The following TTF2 variants were observed in gnomAD, a reference collection of about 807,000 sequenced individuals.
TTF2 encodes transcription termination factor 2.
In TTF2, 108 loss-of-function variants were observed where a neutral mutation model predicts 142.4. The observed-to-expected ratio is 0.76, with a 90% CI of 0.65 to 0.89. The LOEUF (loss-of-function observed/expected upper bound fraction) is 0.89, where lower values mean the gene tolerates loss of function less well. TTF2 is among the 40% of genes least tolerant of loss of function. The probability of loss-of-function intolerance (pLI) is 0.00; values close to 1 mark genes in which losing one functional copy is unlikely to be tolerated. For synonymous variants in TTF2, 483 were observed against 506.2 expected, an observed-to-expected ratio of 0.95 and a Z score of 0.61; for missense variants, 1,327 against 1,379.8, an observed-to-expected ratio of 0.96 and a Z score of 0.61.
rs1226643810 is a variant in TTF2 at position 117,092,384 on chromosome 1, T to C, written c.2806-347T>C. Among the ~76,000 whole-genome samples the C allele has an allele frequency of 6.6e-6, 1 of 152,182 alleles. No homozygotes were observed. The highest frequency in any genetic ancestry group is 1.5e-5 in the Non-Finnish European group (1 of 68,042). On this transcript the variant is annotated intron_variant, in intron 17 of 22. Transcript: ENST00000369466. The surrounding 1 kb of genome is among the most constrained non-coding windows in gnomAD (Gnocchi z 4.4). ...TACAGACTGAAAAGTTGCCCCTACC[T>C]TGGATAGAGGCACATCCAAAATTAA...
At position 117,092,640 on chromosome 1, in the gene TTF2, G is replaced by C; in HGVS notation, c.2806-91G>C. 1 of 1,423,128 alleles carries C rather than the reference G, an allele frequency of 7.0e-7. No individual in the cohort carries two copies. Among genetic ancestry groups the C allele is most frequent in the East Asian group, 2.3e-5 (1 of 43,210 alleles). The allele number at this position is 1,423,128 out of a possible 1,614,324, so 88.2% of individuals were successfully genotyped here. On this transcript the variant is annotated intron_variant, in intron 17 of 22. Transcript: ENST00000369466. This position sits in a 1 kb window ranked among gnomAD's most constrained non-coding sequence, Gnocchi z 4.4. Reference sequence around the variant, plus strand: ...GACAAATTACAAGATATTTTGCTCTGTGAAGTGGTAAACAATCAAAACATC... The same window carrying C: ...GACAAATTACAAGATATTTTGCTCTCTGAAGTGGTAAACAATCAAAACATC...
In TTF2 at chr1:117,079,500, TG is replaced by T. The variant is rs1248755726; in HGVS notation, c.1702-67del. 6.9e-7 allele frequency: 1 copy of T among 1,455,258 alleles called. No individual in the cohort carries two copies. Among genetic ancestry groups the T allele is most frequent in the Non-Finnish European group, 9.6e-7 (1 of 1,036,838 alleles). 90.1% of individuals were successfully genotyped at this position (1,455,258 alleles called of 1,614,324 possible). A position where few individuals can be genotyped will look rare whatever the true frequency, so the allele number is the denominator to read the frequency against. On this transcript the variant is annotated intron_variant, in intron 8 of 22. Transcript: ENST00000369466. The surrounding 1 kb of genome is among the most constrained non-coding windows in gnomAD (Gnocchi z 4.2). ...AGAAAATAGGAGAGTGTAGAGTTCGTGTAGCCAGGCTCGGCATAGCCTCTCA... is the reference window on the plus strand; with the variant it reads ...AGAAAATAGGAGAGTGTAGAGTTCGTTAGCCAGGCTCGGCATAGCCTCTCA...
rs1328414943 is a variant in TTF2, at chr1:117,076,157, A to G, written c.1276-23A>G. 2 of 1,601,780 alleles carry G rather than the reference A, an allele frequency of 1.2e-6. No individual in the cohort carries two copies. Among genetic ancestry groups the G allele is most frequent in the Non-Finnish European group, 1.7e-6 (2 of 1,169,480 alleles). ...TCTAACAGTGTGAGAGGAGAGATCC[A>G]TTTGATGGAATCTGTTTTTCAGAGC... is the stretch of plus-strand genomic sequence containing the variant. On this transcript the variant is annotated intron_variant, in intron 5 of 22. Coordinates refer to ENST00000369466, the MANE Select transcript of TTF2 (RefSeq NM_003594.4). The surrounding 1 kb of genome is among the most constrained non-coding windows in gnomAD (Gnocchi z 4.6).
rs1032318253 is a variant in TTF2 at position 117,101,592 on chromosome 1, T to C, written c.*68T>C. 25 of 1,439,992 alleles carry C rather than the reference T, an allele frequency of 1.7e-5. No individual in the cohort carries two copies. Among genetic ancestry groups the C allele is most frequent in the Non-Finnish European group, 2.2e-5 (24 of 1,091,234 alleles). The allele number at this position is 1,439,992 out of a possible 1,614,324, so 89.2% of individuals were successfully genotyped here. A position where few individuals can be genotyped will look rare whatever the true frequency, so the allele number is the denominator to read the frequency against. On this transcript the variant is annotated 3_prime_UTR_variant, in exon 23 of 23. Transcript: ENST00000369466. This position sits in a 1 kb window ranked among gnomAD's most constrained non-coding sequence, Gnocchi z 5.9. ...GTATTAGGATCTGGGAATAACAACC[T>C]AACCATGAGCCTTGAACTCTGTTCT...
At position 117,075,285 on chromosome 1, in the gene TTF2, C is replaced by T; in HGVS notation, c.701C>T (p.Ala234Val). Reference sequence around the variant, plus strand: ...GGTAATGAGCTTACAAGACCATCTGCATCTTCTCAGGAGAAATCAAGTGGT... The same window carrying T: ...GGTAATGAGCTTACAAGACCATCTGTATCTTCTCAGGAGAAATCAAGTGGT... ...CQGNELTRPS[A>V]SSQEKSSGKS... is the part of the protein sequence containing the mutation. The change falls in exon 5 of 23, where the codon GCA (alanine) becomes GTA (valine). Residue 234 changes from alanine (A) to valine (V), a missense_variant. By Grantham distance (64) the Ala-to-Val change is moderately conservative. Coordinates refer to ENST00000369466, the MANE Select transcript of TTF2 (RefSeq NM_003594.4). This position sits in a 1 kb window ranked among gnomAD's most constrained non-coding sequence, Gnocchi z 4.5. 6.2e-7 allele frequency: 1 copy of T among 1,614,222 alleles called. No homozygotes were observed. The highest frequency in any genetic ancestry group is 8.5e-7 in the Non-Finnish European group (1 of 1,180,046).
chr1:117,091,763 G>A (rs1005873527), intron 16 of TTF2, 54 bp from the exon 17 acceptor site: 48 of 1,578,360 alleles, frequency 3.0e-5, no homozygotes, highest in Non-Finnish European at 3.8e-5. Context: ...GGCTCTCTCC[G>A]TATTTCTCTT....
In TTF2 at chr1:117,076,271, G is replaced by C; in HGVS notation, c.1367G>C (p.Gly456Ala). The C allele has an allele frequency of 6.2e-7, 1 of 1,613,916 alleles. No homozygotes were observed. Among genetic ancestry groups the C allele is most frequent in the South Asian group, 1.1e-5 (1 of 91,058 alleles). Residue 456 changes from glycine to alanine, a missense_variant, in exon 6 of 23, where the codon GGT (glycine) becomes GCT (alanine). By Grantham distance (60) the Gly-to-Ala change is moderately conservative. Coordinates refer to ENST00000369466, the MANE Select transcript of TTF2 (RefSeq NM_003594.4). The surrounding 1 kb of genome is among the most constrained non-coding windows in gnomAD (Gnocchi z 4.6). ...QIQELEEVLS[G>A]LTLSPEQGTN... ...CAGGAGCTGGAGGAAGTACTCAGTG[G>C]TCTTACCCTTTCCCCAGAGCAAGGT...
In TTF2 at chr1:117,087,056, T is replaced by C. The variant is rs1648080232; in HGVS notation, c.2160+534T>C. 6.6e-6 allele frequency among the ~76,000 whole-genome samples: 1 copy of C among 152,204 alleles called. No individual in the cohort carries two copies. Among genetic ancestry groups the C allele is most frequent in the African/African-American group, 2.4e-5 (1 of 41,440 alleles). ...AGCCTCAGTTATGTGATGTAGAGGC[T>C]TTATCATGTAATTATACTCTGAAAA... On this transcript the variant is annotated intron_variant, in intron 12 of 22. Transcript: ENST00000369466. This position sits in a 1 kb window ranked among gnomAD's most constrained non-coding sequence, Gnocchi z 4.8.
Position 117,080,321 on chromosome 1 carries a change from T to G in TTF2, c.1783+672T>G, listed in dbSNP as rs1377912500. Among the ~76,000 whole-genome samples, 1 of 152,104 alleles carries G rather than the reference T, an allele frequency of 6.6e-6. No individual in the cohort carries two copies. Among genetic ancestry groups the G allele is most frequent in the Non-Finnish European group, 1.5e-5 (1 of 67,998 alleles). ...GCCACTACACCTGGCCTAAAAGTAGTCTATAAAAAGCATCACAGCTACTTT... is the reference window on the plus strand; with the variant it reads ...GCCACTACACCTGGCCTAAAAGTAGGCTATAAAAAGCATCACAGCTACTTT... On this transcript the variant is annotated intron_variant, in intron 9 of 22. Coordinates refer to ENST00000369466, the MANE Select transcript of TTF2 (RefSeq NM_003594.4). The surrounding 1 kb of genome is among the most constrained non-coding windows in gnomAD (Gnocchi z 4.3).
intron 3 of TTF2, among the ~76,000 whole-genome samples, chr1:117,066,052 G>T (rs1273842176): frequency 7.5e-6 from 1 of 132,504 alleles, no homozygotes; most frequent in Non-Finnish European, 1.5e-5. Context: ...ACCCAGCCTG[G>T]TCTCAATCTC....
At position 117,097,486 on chromosome 1, in the gene TTF2, G is replaced by C; in HGVS notation, c.3269+53G>C. On this transcript the variant is annotated intron_variant, in intron 21 of 22. Transcript: ENST00000369466. This position sits in a 1 kb window ranked among gnomAD's most constrained non-coding sequence, Gnocchi z 4.1. ...GTCACAGCACATCAAGGAGGCCAGT[G>C]GGCTACAGGGGCAGCAAGAACTGAC... is the stretch of plus-strand genomic sequence containing the variant. 2.0e-6 allele frequency: 3 copies of C among 1,520,506 alleles called. No homozygotes were observed. Among genetic ancestry groups the C allele is most frequent in the Admixed American group, 1.7e-5 (1 of 59,798 alleles). 94.2% of individuals were successfully genotyped at this position (1,520,506 alleles called of 1,614,324 possible). A position where few individuals can be genotyped will look rare whatever the true frequency, so the allele number is the denominator to read the frequency against.
Position 117,076,717 on chromosome 1 carries a change from G to T in TTF2, c.1467G>T (p.Leu489=), listed in dbSNP as rs752862430. 5.0e-6 allele frequency: 8 copies of T among 1,614,054 alleles called. No individual in the cohort carries two copies. The highest frequency in any genetic ancestry group is 6.8e-6 in the Non-Finnish European group (8 of 1,179,984). The change falls in exon 7 of 23, where the codon CTG becomes CTT. Residue 489 remains leucine, a synonymous_variant. Coordinates refer to ENST00000369466, the MANE Select transcript of TTF2 (RefSeq NM_003594.4). The surrounding 1 kb of genome is among the most constrained non-coding windows in gnomAD (Gnocchi z 4.6). ...AAACTACCACTGGCCCTCCCCACCT[G>T]GTGCCTCCCCAACCCCTTCCTCGTC... The part of the protein sequence containing the change: ...FTKTTTGPPH[L]VPPQPLPRRG...
In TTF2 at chr1:117,097,213, A is replaced by G; in HGVS notation, c.3187-138A>G. On this transcript the variant is annotated intron_variant, in intron 20 of 22. Coordinates refer to ENST00000369466, the MANE Select transcript of TTF2 (RefSeq NM_003594.4). This position sits in a 1 kb window ranked among gnomAD's most constrained non-coding sequence, Gnocchi z 4.1. ...GAGATAGCATTATAATGTTAAAAAA[A>G]AAAACAATTTATAACAGCAGAAGGA... is the stretch of plus-strand genomic sequence containing the variant. 1.3e-6 allele frequency: 1 copy of G among 745,552 alleles called. No homozygotes were observed. Among genetic ancestry groups the G allele is most frequent in the Non-Finnish European group, 2.3e-6 (1 of 443,022 alleles). The allele number at this position is 745,552 out of a possible 1,614,324, so 46.2% of individuals were successfully genotyped here. A position where few individuals can be genotyped will look rare whatever the true frequency, so the allele number is the denominator to read the frequency against.
rs7549205 is a variant in TTF2, at chr1:117,076,678, G to A, written c.1428G>A (p.Gln476=). Residue 476 remains glutamine, a synonymous_variant, in exon 7 of 23, where the codon CAG becomes CAA. Coordinates refer to ENST00000369466, the MANE Select transcript of TTF2 (RefSeq NM_003594.4). This position sits in a 1 kb window ranked among gnomAD's most constrained non-coding sequence, Gnocchi z 4.6. ...NEKSNSQVPQ[Q]SHFTKTTTGP... ...AGAGTAACAGTCAAGTACCACAGCA[G>A]AGTCACTTCACCAAAACTACCACTG... 5.9e-4 allele frequency: 958 copies of A among 1,613,676 alleles called. 5 individuals are homozygous for A. The African/African-American group carries it at 0.012, about 19-fold the overall frequency.
rs1251481548 is a variant in TTF2 at position 117,099,779 on chromosome 1, C to A, written c.3344+872C>A. On this transcript the variant is annotated intron_variant, in intron 22 of 22. Coordinates refer to ENST00000369466, the MANE Select transcript of TTF2 (RefSeq NM_003594.4). The surrounding 1 kb of genome is among the most constrained non-coding windows in gnomAD (Gnocchi z 4.3). The stretch of plus-strand genomic sequence containing the variant: ...ACTTGATTACTTCCCATTCATTCCT[C>A]AGCCTTTACAAACTGGCTTTTACTC... 6.6e-6 allele frequency among the ~76,000 whole-genome samples: 1 copy of A among 152,198 alleles called. No homozygotes were observed. Among genetic ancestry groups the A allele is most frequent in the Admixed American group, 6.5e-5 (1 of 15,278 alleles).
In TTF2 at chr1:117,077,944, A is replaced by G. The variant is rs1282096250; in HGVS notation, c.1602A>G (p.Ala534=). The G allele has an allele frequency of 6.2e-7, 1 of 1,614,218 alleles. No homozygotes were observed. The highest frequency in any genetic ancestry group is 1.1e-5 in the South Asian group (1 of 91,086). The change falls in exon 8 of 23, where the codon GCA becomes GCG. Residue 534 remains alanine (A), a synonymous_variant. Coordinates refer to ENST00000369466, the MANE Select transcript of TTF2 (RefSeq NM_003594.4). ...RGHTNQDHVH[A]VWKITSEAIG... is the part of the protein sequence containing the mutation. ...ATACAAACCAAGATCACGTTCATGC[A>G]GTGTGGAAAATCACAAGTGAAGCCA...
rs1648852844 is a variant in TTF2 at position 117,093,981 on chromosome 1, GT to G, written c.2976+1081del. ...AAAACACCATGGCTAGCTTTTTCAT[GT>G]GGGAGTCACAGCGCCTTCCACAATC... On this transcript the variant is annotated intron_variant, in intron 18 of 22. Coordinates refer to ENST00000369466, the MANE Select transcript of TTF2 (RefSeq NM_003594.4). The surrounding 1 kb of genome is among the most constrained non-coding windows in gnomAD (Gnocchi z 4.5). Among the ~76,000 whole-genome samples, 1 of 152,168 alleles carries G rather than the reference GT, an allele frequency of 6.6e-6. No individual in the cohort carries two copies. The highest frequency in any genetic ancestry group is 2.4e-5 in the African/African-American group (1 of 41,430).
chr1:117,091,009 GT>G (rs1648531065), intron 15 of TTF2, among the ~76,000 whole-genome samples: 1 of 152,122 alleles, frequency 6.6e-6, no homozygotes, highest in Non-Finnish European at 1.5e-5. Flanking sequence ...TGTGTCATCT[GT>G]TCTTTGCACT....
In TTF2 at chr1:117,104,969, G is replaced by A. The variant is rs775367704; in HGVS notation, c.*3445G>A. ...AAGGTGGGTCTTTGCACCTTCTAGC[G>A]ATGGGCAGCATCCCACAACACAGTG... On this transcript the variant is annotated 3_prime_UTR_variant, in exon 23 of 23. Coordinates refer to ENST00000369466, the MANE Select transcript of TTF2 (RefSeq NM_003594.4). 1.3e-5 allele frequency: 2 copies of A among 152,196 alleles called. No individual in the cohort carries two copies. The highest frequency in any genetic ancestry group is 2.4e-5 in the African/African-American group (1 of 41,440). 9.4% of individuals were successfully genotyped at this position (152,196 alleles called of 1,614,324 possible).
Sources: allele counts gnomAD v4.1 joint callset (sites outside exome capture counted in the v4.1 genomes callset), GRCh38; gene constraint gnomAD v4.1.1; non-coding constraint Gnocchi (gnomAD v3.1); transcripts MANE v1.5; gene names NCBI Gene and HGNC (gene_info 2026-07-23, HGNC 2026-07-21).